The following COL28A1 variants were observed in gnomAD, a reference collection of about 807,000 sequenced individuals.
The protein encoded by COL28A1 is collagen alpha-1(XXVIII) chain.
Under a neutral mutation model 150.2 loss-of-function variants are expected in COL28A1, and 161 were observed. That is an observed-to-expected ratio of 1.07 (90% CI 0.94 to 1.22). The LOEUF (loss-of-function observed/expected upper bound fraction) is 1.22, where lower values mean the gene tolerates loss of function less well. COL28A1 is among the 50% of genes most tolerant of loss of function. COL28A1 has a pLI of 0.00. For missense variants in COL28A1, 1,617 were observed against 1,388.3 expected (o/e 1.16, Z -2.62); for synonymous variants, 552 against 469.7 (o/e 1.18, Z -2.26).
At chr7:7,452,441 T>G in intron 17 of COL28A1, 54 bp from the exon 18 acceptor site, 4 of 1,557,158 alleles carry the variant, frequency 2.6e-6, no homozygotes, top group Non-Finnish European at 3.4e-6. Flanking sequence ...ATATTCCTGC[T>G]GTTGATCTCC....
intron 25 of COL28A1, among the ~76,000 whole-genome samples, chr7:7,422,829 C>CG (rs1366165984): frequency 6.6e-6 from 1 of 152,000 alleles, no homozygotes; most frequent in Admixed American, 6.6e-5. Flanking sequence ...CAGTAATAGA[C>CG]GGAAGAGGGA....
At chr7:7,430,538 T>C (rs553175550) in intron 25 of COL28A1, among the ~76,000 whole-genome samples, 5 of 152,294 alleles carry the variant, frequency 3.3e-5, no homozygotes, top group South Asian at 2.1e-4. Flanking sequence ...TCTAGTTATA[T>C]AAAAAATTCA....
At chr7:7,509,636 G>T (rs1442491648) in intron 9 of COL28A1, among the ~76,000 whole-genome samples, 6 of 151,182 alleles carry the variant, frequency 4.0e-5, no homozygotes, top group African/African-American at 1.2e-4. Flanking sequence ...TTGGCAGTGG[G>T]TTTTTTTTGT....
chr7:7,420,515 G>A (rs1784339245), intron 25 of COL28A1, among the ~76,000 whole-genome samples: 1 of 152,238 alleles, frequency 6.6e-6, no homozygotes, highest in African/African-American at 2.4e-5. Flanking sequence ...TGCTAATGAT[G>A]GGAAGAAGGA....
chr7:7,497,609 G>A (rs1780291484), intron 11 of COL28A1, among the ~76,000 whole-genome samples: 1 of 152,040 alleles, frequency 6.6e-6, no homozygotes, highest in Non-Finnish European at 1.5e-5. Flanking sequence ...TTGTATGACT[G>A]CAGACTAAAT....
At chr7:7,426,754 CTTA>C (rs1784659865) in intron 25 of COL28A1, among the ~76,000 whole-genome samples, 1 of 151,912 alleles carries the variant, frequency 6.6e-6, no homozygotes, top group African/African-American at 2.4e-5. Context: ...TTTAAAACTT[CTTA>C]TTTTTTCCTT....
chr7:7,359,860 T>C (rs1234292446), intron 34 of COL28A1, among the ~76,000 whole-genome samples: 2 of 152,200 alleles, frequency 1.3e-5, no homozygotes, highest in Non-Finnish European at 2.9e-5. Flanking sequence ...GTGTAATTCA[T>C]TTTAAAGATA....
In COL28A1 at chr7:7,378,345, C is replaced by T. The variant is rs963483257; in HGVS notation, c.2322+2315G>A. 8.5e-5 allele frequency among the ~76,000 whole-genome samples: 13 copies of T among 152,110 alleles called. 1 individual carries two copies. The highest frequency in any genetic ancestry group is 1.9e-4 in the Non-Finnish European group (13 of 68,024). ...TGCTTTCACTGTACTATAGAATTAG[C>T]CTTTTCAAACTATATGTCCCCCTGC... On this transcript the variant is annotated intron_variant, in intron 30 of 34. Transcript: ENST00000399429.
intron 23 of COL28A1, 140 bp downstream of exon 23, chr7:7,436,255 A>G (rs190834795): frequency 3.1e-6 from 2 of 649,778 alleles, no homozygotes; most frequent in African/African-American, 3.7e-5. Context: ...TTGTTTTTTT[A>G]AAAAAAGGGA....
intron 15 of COL28A1, among the ~76,000 whole-genome samples, chr7:7,456,615 A>G (rs1312338506): frequency 6.6e-6 from 1 of 152,234 alleles, no homozygotes; most frequent in African/African-American, 2.4e-5. Context: ...TTCTTCTTCC[A>G]TGAAATTGAG....
upstream of COL28A1, among the ~76,000 whole-genome samples, chr7:7,536,607 T>G (rs548609603): frequency 3.9e-5 from 6 of 152,308 alleles, no homozygotes; most frequent in Admixed American, 6.5e-5. Context: ...TAATATATAC[T>G]GCCAAGAAGC....
chr7:7,373,934 C>T lies in COL28A1; in HGVS notation c.2360-388G>A, dbSNP rs984657073. ...CAAGATGGTCTCGATCTCCTGACCT[C>T]GTGATATGCCCGCCTCGGCCTCCCA... is the stretch of plus-strand genomic sequence containing the variant. On this transcript the variant is annotated intron_variant, in intron 31 of 34. Transcript: ENST00000399429. This position sits in a 1 kb window ranked among gnomAD's most constrained non-coding sequence, Gnocchi z 4.1. Among the ~76,000 whole-genome samples, 83 of 150,264 alleles carry T rather than the reference C, an allele frequency of 5.5e-4. No homozygotes were observed. Among genetic ancestry groups the T allele is most frequent in the African/African-American group, 1.9e-3 (79 of 40,912 alleles).
Position 7,419,941 on chromosome 7 carries a change from C to A in COL28A1, c.2011G>T (p.Val671Phe), listed in dbSNP as rs1227089922. 6.3e-7 allele frequency: 1 copy of A among 1,591,748 alleles called. No homozygotes were observed. Among genetic ancestry groups the A allele is most frequent in the Non-Finnish European group, 8.5e-7 (1 of 1,171,056 alleles). The change falls in exon 26 of 35, where the codon GTC (valine) becomes TTC (phenylalanine). Residue 671 changes from valine (V) to phenylalanine (F), a missense_variant. Transcript: ENST00000399429. Reference sequence around the variant, plus strand: ...CCAGAAGGACCTGGAGGGCCTCTGACCCCAGGCTCTCCCTGAAAAGACACA... The same window carrying A: ...CCAGAAGGACCTGGAGGGCCTCTGAACCCAGGCTCTCCCTGAAAAGACACA... ...GDTGAKGEPG[V>F]RGPPGPSGPR... is the part of the protein sequence containing the mutation.
At chr7:7,402,505 GA>G (rs202065689) in intron 27 of COL28A1, among the ~76,000 whole-genome samples, 4,020 of 152,230 alleles carry the variant, frequency 0.026, 89 homozygotes, top group Non-Finnish European at 0.032. Context: ...CATATTTAAA[GA>G]AAATTGCTTT....
chr7:7,351,913 G>A (rs7788141), downstream of COL28A1, among the ~76,000 whole-genome samples: 23,357 of 151,904 alleles, frequency 0.15, 2,390 homozygotes, highest in African/African-American at 0.29. Context: ...CATGGGAAGA[G>A]GGAGCCATAC....
intron 11 of COL28A1, among the ~76,000 whole-genome samples, chr7:7,497,517 T>C (rs1780286355): frequency 1.3e-5 from 2 of 152,192 alleles, no homozygotes; most frequent in Admixed American, 1.3e-4. Flanking sequence ...ACCCAGCAGT[T>C]TGAGGTTAAA....
chr7:7,446,589 A>G (rs528930250), intron 18 of COL28A1, among the ~76,000 whole-genome samples: 1 of 152,348 alleles, frequency 6.6e-6, no homozygotes, highest in South Asian at 2.1e-4. Flanking sequence ...GAAAAGAGGG[A>G]CGTCTACCTA....
intron 11 of COL28A1, among the ~76,000 whole-genome samples, chr7:7,496,545 A>C (rs1780217934): frequency 6.7e-6 from 1 of 149,550 alleles, no homozygotes; most frequent in South Asian, 2.2e-4. Context: ...CCCAGACACA[A>C]TTAATCTTTT....
chr7:7,380,181 C>T (rs944087197), intron 30 of COL28A1, among the ~76,000 whole-genome samples: 6 of 152,222 alleles, frequency 3.9e-5, no homozygotes, highest in Middle Eastern at 3.4e-3. Context: ...AACAGGGAAA[C>T]GTTTATAGAT....
Sources: gnomAD v4.1 joint callset for allele counts (sites outside exome capture counted in the v4.1 genomes callset) on GRCh38, gnomAD v4.1.1 for gene constraint, Gnocchi (gnomAD v3.1) non-coding constraint, MANE v1.5 for transcripts, NCBI Gene and HGNC (gene_info 2026-07-23, HGNC 2026-07-21) for gene names.